Variants in AMPH observed in about 807,000 individuals in gnomAD.
The protein encoded by AMPH is amphiphysin (Stiff-Mann syndrome with breast cancer 128kD autoantigen).
Under a neutral mutation model 99.1 loss-of-function variants are expected in AMPH, and 49 were observed. That is an observed-to-expected ratio of 0.49 (90% CI 0.39 to 0.63). AMPH has a LOEUF of 0.63. AMPH is among the 20% of genes least tolerant of loss of function. AMPH has a pLI of 0.00. For synonymous variants in AMPH, 314 were observed against 317.3 expected (o/e 0.99, Z 0.11); for missense variants, 759 against 863.4 (o/e 0.88, Z 1.52).
At chr7:38,471,041 G>A (rs138523396) in intron 7 of AMPH, among the ~76,000 whole-genome samples, 3 of 152,192 alleles carry the variant, frequency 2.0e-5, no homozygotes, top group Non-Finnish European at 4.4e-5. Context: ...AAAACTTTCA[G>A]TACAGAATCT....
At chr7:38,479,340 T>C (rs1253792281) in intron 5 of AMPH, among the ~76,000 whole-genome samples, 1 of 138,986 alleles carries the variant, frequency 7.2e-6, no homozygotes, top group Non-Finnish European at 1.5e-5. Context: ...CCACACCCAA[T>C]GAAAATATTT....
At chr7:38,534,422 C>T (rs539953955) in intron 2 of AMPH, among the ~76,000 whole-genome samples, 1 of 152,274 alleles carries the variant, frequency 6.6e-6, no homozygotes, top group African/African-American at 2.4e-5. Context: ...CCTGTAATCC[C>T]AACACTTTGG....
Position 38,466,206 on chromosome 7 carries a change from G to A in AMPH, c.633C>T (p.Ser211=), listed in dbSNP as rs1218233079. 1.0e-5 allele frequency: 16 copies of A among 1,595,440 alleles called. No homozygotes were observed. In the East Asian group the frequency reaches 3.4e-4, roughly 34 times the overall value. Residue 211 remains serine (S), a synonymous_variant, in exon 8 of 21, where the codon AGC becomes AGT. Transcript: ENST00000356264. ...TTTCCTTATGAAACTTGGCTTCAAG[G>A]CTGGAGACGTTTTTGAAAGTATTAA... The part of the protein sequence containing the change: ...FYVNTFKNVS[S]LEAKFHKEIA...
At chr7:38,601,221 A>G (rs1470081521) in intron 1 of AMPH, among the ~76,000 whole-genome samples, 2 of 152,158 alleles carry the variant, frequency 1.3e-5, no homozygotes, top group Non-Finnish European at 2.9e-5. Context: ...CACAGCCACC[A>G]TGGCTGGCCC....
intron 10 of AMPH, among the ~76,000 whole-genome samples, chr7:38,462,440 A>T (rs190304739): frequency 2.6e-5 from 4 of 152,334 alleles, no homozygotes; most frequent in East Asian, 3.9e-4. Flanking sequence ...TAAAGGTGGT[A>T]GTTTCTCTCT....
intron 1 of AMPH, among the ~76,000 whole-genome samples, chr7:38,576,504 A>G (rs979953713): frequency 1.2e-4 from 18 of 152,290 alleles, no homozygotes; most frequent in Middle Eastern, 3.4e-3. Flanking sequence ...AGAATTAACC[A>G]TCTGAGGCCT....
rs192739176 is a variant in AMPH at position 38,496,141 on chromosome 7, G to A, written c.206-1614C>T. Among the ~76,000 whole-genome samples the A allele has an allele frequency of 4.2e-4, 64 of 152,276 alleles. 1 individual carries two copies. The highest frequency in any genetic ancestry group is 1.5e-3 in the African/African-American group (62 of 41,558). ...TCATGAGAAATAAAAAACACATCCTGTAAACTTAAGGTCAGTGAATCCTAA... is the reference window on the plus strand; with the variant it reads ...TCATGAGAAATAAAAAACACATCCTATAAACTTAAGGTCAGTGAATCCTAA... On this transcript the variant is annotated intron_variant, in intron 3 of 20. Transcript: ENST00000356264.
intron 20 of AMPH, among the ~76,000 whole-genome samples, chr7:38,387,149 C>CA (rs149366719): frequency 0.32 from 48,742 of 152,050 alleles, 9,265 homozygotes; most frequent in African/African-American, 0.54. Context: ...TCTGCTAAAA[C>CA]AAAAATAAGC....
At chr7:38,446,228 G>A (rs942944677) in intron 11 of AMPH, among the ~76,000 whole-genome samples, 7 of 152,064 alleles carry the variant, frequency 4.6e-5, no homozygotes, top group Admixed American at 3.3e-4. Flanking sequence ...ATAGAAAATG[G>A]TACAAACACT....
intron 17 of AMPH, among the ~76,000 whole-genome samples, chr7:38,397,114 T>C (rs759261969): frequency 6.6e-6 from 1 of 152,188 alleles, no homozygotes; most frequent in Non-Finnish European, 1.5e-5. Context: ...TACACACACA[T>C]GCAGCAGAGG....
chr7:38,493,786 G>C (rs918036465), intron 4 of AMPH, among the ~76,000 whole-genome samples: 1 of 152,148 alleles, frequency 6.6e-6, no homozygotes, highest in African/African-American at 2.4e-5. Flanking sequence ...TCAATAGGGG[G>C]ATTGAGATGA....
intron 3 of AMPH, among the ~76,000 whole-genome samples, chr7:38,495,697 G>T (rs867871133): frequency 6.6e-6 from 1 of 151,332 alleles, no homozygotes; most frequent in Non-Finnish European, 1.5e-5. Flanking sequence ...TATGAATGAA[G>T]TTTTAAATCA....
chr7:38,388,056 A>G (rs2128972891), intron 20 of AMPH, among the ~76,000 whole-genome samples: 1 of 152,320 alleles, frequency 6.6e-6, no homozygotes, highest in South Asian at 2.1e-4. Flanking sequence ...TCAGATATAC[A>G]GAAGCCAAGA....
intron 4 of AMPH, among the ~76,000 whole-genome samples, chr7:38,492,715 A>G (rs10274194): frequency 0.62 from 93,851 of 152,026 alleles, 29,635 homozygotes; most frequent in African/African-American, 0.74. Context: ...AAAACCGGGC[A>G]GCTGCAAGAA....
intron 2 of AMPH, among the ~76,000 whole-genome samples, chr7:38,525,275 T>TAGAGAG (rs1209069502): frequency 4.9e-4 from 42 of 86,288 alleles, no homozygotes; most frequent in Non-Finnish European, 6.5e-4. Context: ...TATATATATA[T>TAGAGAG]ATAGAGAGAG....
intron 14 of AMPH, 134 bp from the exon 15 acceptor site, chr7:38,427,120 T>C: frequency 1.4e-6 from 1 of 730,670 alleles, no homozygotes; most frequent in Non-Finnish European, 2.2e-6. Flanking sequence ...TTGCTGTGCA[T>C]GAAAGAACTT....
intron 15 of AMPH, among the ~76,000 whole-genome samples, chr7:38,426,210 C>T (rs1431069925): frequency 1.3e-5 from 2 of 152,164 alleles, no homozygotes; most frequent in African/African-American, 4.8e-5. Context: ...AAGCAGGCAT[C>T]ACAGACAAGC....
rs927790909 is a variant in AMPH, at chr7:38,403,073, A to T, written c.1399-8859T>A. 1.3e-5 allele frequency among the ~76,000 whole-genome samples: 2 copies of T among 152,070 alleles called. 1 individual carries two copies. The highest frequency in any genetic ancestry group is 3.9e-4 in the East Asian group (2 of 5,188). On this transcript the variant is annotated intron_variant, in intron 17 of 20. Coordinates refer to ENST00000356264, the MANE Select transcript of AMPH (RefSeq NM_001635.4). ...TGTTGTTGTTGTTGTTTTTTCCAAG[A>T]TGGCTGACTGGAGACGTCAGAAGCC...
At position 38,417,867 on chromosome 7, in the gene AMPH, A is replaced by G; in HGVS notation, c.1356T>C (p.Leu452=). ...GCTCCTCAGCCCGAGTGTCCATTCC[A>G]AGGTCCAGACCAACGGCAGGTGTGA... The part of the protein sequence containing the change: ...AAVTPAVGLD[L]GMDTRAEEPV... Residue 452 remains leucine, a synonymous_variant, in exon 17 of 21, where the codon CTT becomes CTC. Transcript: ENST00000356264. The G allele has an allele frequency of 6.2e-7, 1 of 1,614,130 alleles. No homozygotes were observed. The highest frequency in any genetic ancestry group is 8.5e-7 in the Non-Finnish European group (1 of 1,179,998).
Sources: allele counts gnomAD v4.1 joint callset (sites outside exome capture counted in the v4.1 genomes callset), GRCh38; gene constraint gnomAD v4.1.1; transcripts MANE v1.5; gene names NCBI Gene and HGNC (gene_info 2026-07-23, HGNC 2026-07-21).